OR51D1: variants seen among roughly 807,000 people sequenced by gnomAD.
OR51D1 encodes olfactory receptor family 51 subfamily D member 1.
For missense variants in OR51D1, 452 were observed against 396.2 expected (o/e 1.14, Z -1.20); for synonymous variants, 187 against 161.1 (o/e 1.16, Z -1.22).
Position 4,640,898 on chromosome 11 carries a change from C to A in OR51D1, c.*133C>A. On this transcript the variant is annotated 3_prime_UTR_variant, in exon 2 of 2. Coordinates refer to ENST00000641817, the MANE Select transcript of OR51D1 (RefSeq NM_001004751.3). Reference sequence around the variant, plus strand: ...CAGCAATTTAAGTAGATCATGTATTCTGTCTCCAGGAATGTGTCAGTACTG... The same window carrying A: ...CAGCAATTTAAGTAGATCATGTATTATGTCTCCAGGAATGTGTCAGTACTG... 1.2e-6 allele frequency: 1 copy of A among 807,336 alleles called. No homozygotes were observed. The highest frequency in any genetic ancestry group is 1.7e-5 in the African/African-American group (1 of 58,124). The allele number at this position is 807,336 out of a possible 1,614,324, so 50.0% of individuals were successfully genotyped here.
Position 4,640,605 on chromosome 11 carries a change from C to T in OR51D1, c.815C>T (p.Ser272Leu), listed in dbSNP as rs766678969. The change falls in exon 2 of 2, where the codon TCG (serine) becomes TTG (leucine). Residue 272 changes from serine to leucine, a missense_variant. By Grantham distance (145) the Ser-to-Leu change is moderately radical. Transcript: ENST00000641817. ...TTCTATGTACCCCTCATTGGGCTCT[C>T]GGTGGTGCATAGGCTGGGTGGTCCC... ...LVFYVPLIGL[S>L]VVHRLGGPTS... The T allele has an allele frequency of 7.7e-5, 125 of 1,613,234 alleles. 1 individual carries two copies. Among genetic ancestry groups the T allele is most frequent in the South Asian group, 5.9e-4 (54 of 91,040 alleles).
In OR51D1 at chr11:4,641,052, C is replaced by G; in HGVS notation, c.*287C>G. On this transcript the variant is annotated 3_prime_UTR_variant, in exon 2 of 2. Coordinates refer to ENST00000641817, the MANE Select transcript of OR51D1 (RefSeq NM_001004751.3). Reference sequence around the variant, plus strand: ...TTTGACATGGGGAGGCTGTAAAGATCACACCTCATGGTTCATTCCAGTTTT... The same window carrying G: ...TTTGACATGGGGAGGCTGTAAAGATGACACCTCATGGTTCATTCCAGTTTT... 1 of 348,408 alleles carries G rather than the reference C, an allele frequency of 2.9e-6. No individual in the cohort carries two copies. The highest frequency in any genetic ancestry group is 5.3e-6 in the Non-Finnish European group (1 of 188,996). The allele number at this position is 348,408 out of a possible 1,614,324, so 21.6% of individuals were successfully genotyped here.
rs1846986335 is a variant in OR51D1 at position 4,643,011 on chromosome 11, A to C, written c.*2246A>C. The C allele has an allele frequency of 6.6e-6, 1 of 152,246 alleles. No individual in the cohort carries two copies. The highest frequency in any genetic ancestry group is 1.9e-4 in the East Asian group (1 of 5,198). The allele number at this position is 152,246 out of a possible 1,614,324, so 9.4% of individuals were successfully genotyped here. ...TTAGCGTGTCCTGTGTTCTGAATTT[A>C]AAACTCACAGTTGTGAAACTGATCA... On this transcript the variant is annotated 3_prime_UTR_variant, in exon 2 of 2. Transcript: ENST00000641817.
At chr11:4,639,054 G>A (rs923821767) in intron 1 of OR51D1, among the ~76,000 whole-genome samples, 1 of 152,182 alleles carries the variant, frequency 6.6e-6, no homozygotes, top group African/African-American at 2.4e-5. Context: ...GCCTCCCAAA[G>A]TGCTGGGATT....
intron 1 of OR51D1, 87 bp from the exon 2 acceptor site, chr11:4,639,690 A>C: frequency 8.0e-7 from 1 of 1,248,016 alleles, no homozygotes; most frequent in Non-Finnish European, 1.1e-6. Context: ...TACTGTCACC[A>C]CTCCAATGCC....
intron 1 of OR51D1, among the ~76,000 whole-genome samples, chr11:4,638,136 G>A (rs1379336590): frequency 6.6e-6 from 1 of 152,108 alleles, no homozygotes; most frequent in East Asian, 1.9e-4. Context: ...TTGGGAGGAG[G>A]TGTATTAAGA....
chr11:4,639,043 G>A (rs1352108459), intron 1 of OR51D1, among the ~76,000 whole-genome samples: 1 of 152,066 alleles, frequency 6.6e-6, no homozygotes, highest in Non-Finnish European at 1.5e-5. Flanking sequence ...TGCCCACCTC[G>A]GCCTCCCAAA....
In OR51D1 at chr11:4,640,435, C is replaced by G. The variant is rs199634586; in HGVS notation, c.645C>G (p.Ile215Met). ...TRVNVVYGLF[I>M]ILSVMGVDSL... The stretch of plus-strand genomic sequence containing the variant: ...TCAATGTGGTTTATGGACTCTTCAT[C>G]ATCCTCTCAGTCATGGGTGTGGACT... The change falls in exon 2 of 2, where the codon ATC becomes ATG. Residue 215 changes from isoleucine to methionine, a missense_variant. Coordinates refer to ENST00000641817, the MANE Select transcript of OR51D1 (RefSeq NM_001004751.3). 33 of 1,614,028 alleles carry G rather than the reference C, an allele frequency of 2.0e-5. No homozygotes were observed. Among genetic ancestry groups the G allele is most frequent in the Non-Finnish European group, 2.8e-5 (33 of 1,180,016 alleles).
At position 4,640,657 on chromosome 11, in the gene OR51D1, T is replaced by A; in HGVS notation, c.867T>A (p.Ala289=). The A allele has an allele frequency of 6.2e-7, 1 of 1,613,980 alleles. No homozygotes were observed. The highest frequency in any genetic ancestry group is 8.5e-7 in the Non-Finnish European group (1 of 1,180,006). Residue 289 remains alanine (A), a synonymous_variant, in exon 2 of 2, where the codon GCT becomes GCA. Transcript: ENST00000641817. Reference sequence around the variant, plus strand: ...CCTCCCTCCTCCATGTGGTTATGGCTAATACCTACTTGCTGCTACCACCTG... The same window carrying A: ...CCTCCCTCCTCCATGTGGTTATGGCAAATACCTACTTGCTGCTACCACCTG... ...GPTSLLHVVM[A]NTYLLLPPVV...
intron 1 of OR51D1, among the ~76,000 whole-genome samples, chr11:4,638,449 C>G (rs1047712621): frequency 6.7e-6 from 1 of 150,108 alleles, no homozygotes; most frequent in Admixed American, 6.6e-5. Flanking sequence ...GTTGTGTGAT[C>G]ACCAGGGAGA....
intron 1 of OR51D1, among the ~76,000 whole-genome samples, chr11:4,638,552 G>A (rs1846924277): frequency 6.6e-6 from 1 of 152,184 alleles, no homozygotes; most frequent in Non-Finnish European, 1.5e-5. Flanking sequence ...AGCTGCATCT[G>A]ATTTCCATGA....
chr11:4,639,665 C>A, intron 1 of OR51D1, 112 bp from the exon 2 acceptor site: 1 of 954,176 alleles, frequency 1.0e-6, no homozygotes, highest in Non-Finnish European at 1.6e-6. Context: ...ACCAGGATGA[C>A]TTAGTCCTGT....
At position 4,640,513 on chromosome 11, in the gene OR51D1, G is replaced by C. The variant is rs1281205115; in HGVS notation, c.723G>C (p.Leu241=). 1.2e-6 allele frequency: 2 copies of C among 1,613,682 alleles called. No individual in the cohort carries two copies. The highest frequency in any genetic ancestry group is 8.5e-7 in the Non-Finnish European group (1 of 1,180,022). ...TCATCCTGTGGGCTGTTTTGGAGCTGTCCTCTCGGAGGGCAGCACTCAAGG... is the reference window on the plus strand; with the variant it reads ...TCATCCTGTGGGCTGTTTTGGAGCTCTCCTCTCGGAGGGCAGCACTCAAGG... ...YILILWAVLE[L]SSRRAALKAF... is the part of the protein sequence containing the mutation. Residue 241 remains leucine (L), a synonymous_variant, in exon 2 of 2, where the codon CTG becomes CTC. Transcript: ENST00000641817.
rs766734057 is a variant in OR51D1 at position 4,639,917 on chromosome 11, C to A, written c.127C>A (p.Pro43Thr). The change falls in exon 2 of 2, where the codon CCA becomes ACA. Residue 43 changes from proline (P) to threonine (T), a missense_variant. Physicochemically the swap from Pro to Thr is conservative, Grantham distance 38. Transcript: ENST00000641817. ...TACCATACACTTTTGGCTGGCTTTC[C>A]CACTGTGTTTTATGTATGCCTTGGC... Reference protein sequence around the residue: ...GPTIHFWLAFPLCFMYALATL... With the variant: ...GPTIHFWLAFTLCFMYALATL... 2 of 1,614,200 alleles carry A rather than the reference C, an allele frequency of 1.2e-6. No individual in the cohort carries two copies. The highest frequency in any genetic ancestry group is 3.3e-5 in the Admixed American group (2 of 60,028).
Position 4,639,840 on chromosome 11 carries a change from A to G in OR51D1, c.50A>G (p.Asn17Ser), listed in dbSNP as rs766189919. Reference sequence around the variant, plus strand: ...CCTATCATAGCCACTTCAAATGGAAATCTGGTCCACGCAGCATACTTCCTT... The same window carrying G: ...CCTATCATAGCCACTTCAAATGGAAGTCTGGTCCACGCAGCATACTTCCTT... ...LVPIIATSNG[N>S]LVHAAYFLLV... The change falls in exon 2 of 2, where the codon AAT becomes AGT. Residue 17 changes from asparagine (N) to serine (S), a missense_variant. Coordinates refer to ENST00000641817, the MANE Select transcript of OR51D1 (RefSeq NM_001004751.3). 1 of 1,614,170 alleles carries G rather than the reference A, an allele frequency of 6.2e-7. No individual in the cohort carries two copies. The highest frequency in any genetic ancestry group is 1.1e-5 in the South Asian group (1 of 91,072).
In OR51D1 at chr11:4,639,942, C is replaced by T; in HGVS notation, c.152C>T (p.Ala51Val). ...AFPLCFMYAL[A>V]TLGNLTIVLI... ...CCACTGTGTTTTATGTATGCCTTGGCCACCCTGGGTAACCTGACCATTGTC... is the reference window on the plus strand; with the variant it reads ...CCACTGTGTTTTATGTATGCCTTGGTCACCCTGGGTAACCTGACCATTGTC... The change falls in exon 2 of 2, where the codon GCC (alanine) becomes GTC (valine). Residue 51 changes from alanine (A) to valine (V), a missense_variant. Transcript: ENST00000641817. 6.2e-7 allele frequency: 1 copy of T among 1,614,150 alleles called. No homozygotes were observed. Among genetic ancestry groups the T allele is most frequent in the Non-Finnish European group, 8.5e-7 (1 of 1,180,022 alleles).
In OR51D1 at chr11:4,637,506, G is replaced by A. The variant is rs1399020256; in HGVS notation, c.-262G>A. On this transcript the variant is annotated 5_prime_UTR_variant, in exon 1 of 2. Coordinates refer to ENST00000641817, the MANE Select transcript of OR51D1 (RefSeq NM_001004751.3). ...CTCAGCCCAGGGAGGTTAGGCAACGGGAGGGTCCGCAGAGACAGGCACAGA... is the reference window on the plus strand; with the variant it reads ...CTCAGCCCAGGGAGGTTAGGCAACGAGAGGGTCCGCAGAGACAGGCACAGA... 6.6e-6 allele frequency: 1 copy of A among 152,414 alleles called. No homozygotes were observed. Among genetic ancestry groups the A allele is most frequent in the African/African-American group, 2.4e-5 (1 of 41,464 alleles). The allele number at this position is 152,414 out of a possible 1,614,324, so 9.4% of individuals were successfully genotyped here. A position where few individuals can be genotyped will look rare whatever the true frequency, so the allele number is the denominator to read the frequency against.
At chr11:4,638,248 G>A (rs1033500392) in intron 1 of OR51D1, among the ~76,000 whole-genome samples, 2 of 152,176 alleles carry the variant, frequency 1.3e-5, no homozygotes, top group African/African-American at 2.4e-5. Context: ...GGTGATGTGG[G>A]TTCTGAGCAG....
rs1193529913 is a variant in OR51D1 at position 4,637,756 on chromosome 11, A to G, written c.-15+3A>G. The G allele has an allele frequency of 1.3e-5, 2 of 152,546 alleles. No homozygotes were observed. The highest frequency in any genetic ancestry group is 2.4e-5 in the African/African-American group (1 of 41,432). The allele number at this position is 152,546 out of a possible 1,614,324, so 9.4% of individuals were successfully genotyped here. ...CTCCTACTCTTCACTTAAGCAAGGC[A>G]AGGGGAATTACTTTACCAGGAAAAA... On this transcript the variant is annotated splice_donor_region_variant and intron_variant, in intron 1 of 1. Coordinates refer to ENST00000641817, the MANE Select transcript of OR51D1 (RefSeq NM_001004751.3).
Sources: gnomAD v4.1 joint callset for allele counts (sites outside exome capture counted in the v4.1 genomes callset) on GRCh38, gnomAD v4.1.1 for gene constraint, MANE v1.5 for transcripts, NCBI Gene and HGNC (gene_info 2026-07-23, HGNC 2026-07-21) for gene names.